CNTNAP5: variants seen among roughly 807,000 people sequenced by gnomAD.
CNTNAP5 encodes the protein contactin associated protein family member 5.
CNTNAP5 carries 72 observed loss-of-function variants against 150.2 expected under a neutral mutation model. That is an observed-to-expected ratio of 0.48 (90% CI 0.40 to 0.58). The LOEUF (loss-of-function observed/expected upper bound fraction) is 0.58, where lower values mean the gene tolerates loss of function less well. Among genes scored for constraint, CNTNAP5 ranks in the 20% least tolerant of loss-of-function variants. The pLI, the probability that CNTNAP5 is intolerant of heterozygous loss-of-function variation, is 0.00. For synonymous variants in CNTNAP5, 672 were observed against 619.8 expected (o/e 1.08, Z -1.25); for missense variants, 1,636 against 1,626.2 (o/e 1.01, Z -0.10).
chr2:124,582,794 C>T (rs921563375), intron 11 of CNTNAP5, among the ~76,000 whole-genome samples: 1 of 152,020 alleles, frequency 6.6e-6, no homozygotes, highest in African/African-American at 2.4e-5. Flanking sequence ...AATTTTAGAA[C>T]AACATAATGT....
At chr2:124,127,256 A>T (rs1558766455) in intron 1 of CNTNAP5, among the ~76,000 whole-genome samples, 1 of 152,174 alleles carries the variant, frequency 6.6e-6, no homozygotes, top group Admixed American at 6.5e-5. Flanking sequence ...GCATTTCTAT[A>T]CACCAATAAC....
chr2:124,891,018 C>T (rs1678183648), intron 21 of CNTNAP5, among the ~76,000 whole-genome samples: 1 of 152,130 alleles, frequency 6.6e-6, no homozygotes, highest in African/African-American at 2.4e-5. Flanking sequence ...GTGGTAGAAT[C>T]TATTGTGGTG....
At chr2:124,557,691 C>G (rs1455209812) in intron 10 of CNTNAP5, among the ~76,000 whole-genome samples, 1 of 151,906 alleles carries the variant, frequency 6.6e-6, no homozygotes, top group Non-Finnish European at 1.5e-5. Flanking sequence ...ACACTAAAGA[C>G]AAATAAAATG....
At chr2:124,112,706 ACCTCCCT>A (rs374867804) in intron 1 of CNTNAP5, among the ~76,000 whole-genome samples, 267 of 151,138 alleles carry the variant, frequency 1.8e-3, no homozygotes, top group Non-Finnish European at 2.8e-3. Context: ...CCCCATTATC[ACCTCCCT>A]CCTCCCAAAA....
rs1459946500 is a variant in CNTNAP5 at position 124,185,317 on chromosome 2, A to AG, written c.83-36388_83-36387insG. ...GGCTTGTGAACTCATATTGCCACCCACTGGACTGTAAGCTGCCAAAAGGCA... is the reference window on the plus strand; with the variant it reads ...GGCTTGTGAACTCATATTGCCACCCAGCTGGACTGTAAGCTGCCAAAAGGCA... On this transcript the variant is annotated intron_variant, in intron 1 of 23. Transcript: ENST00000682447. Among the ~76,000 whole-genome samples the AG allele has an allele frequency of 4.6e-5, 7 of 152,274 alleles. No homozygotes were observed. The East Asian group carries it at 1.4e-3, about 29-fold the overall frequency.
At chr2:124,627,249 C>T (rs954934632) in intron 12 of CNTNAP5, among the ~76,000 whole-genome samples, 20 of 152,152 alleles carry the variant, frequency 1.3e-4, no homozygotes, top group African/African-American at 4.8e-4. Context: ...TCTTCTCAAG[C>T]GGATCCCTGA....
intron 13 of CNTNAP5, among the ~76,000 whole-genome samples, chr2:124,686,026 A>G (rs1259194193): frequency 1.3e-5 from 2 of 152,136 alleles, no homozygotes; most frequent in Non-Finnish European, 2.9e-5. Flanking sequence ...AATGTTGGAC[A>G]TAGAATTTAA....
intron 3 of CNTNAP5, among the ~76,000 whole-genome samples, chr2:124,287,043 T>C (rs1228469330): frequency 1.3e-5 from 2 of 152,124 alleles, no homozygotes; most frequent in Non-Finnish European, 2.9e-5. Context: ...TTCATGTCCA[T>C]CACACATGCA....
rs1027945480 is a variant in CNTNAP5, at chr2:124,800,804, G to A, written c.3217+2484G>A. Among the ~76,000 whole-genome samples, 5 of 152,160 alleles carry A rather than the reference G, an allele frequency of 3.3e-5. No individual in the cohort carries two copies. The South Asian group carries it at 8.3e-4, about 25-fold the overall frequency. ...GTGCCTTGTTTGTATGATTGTTTAA[G>A]TTTAGGTCTCAGGGCATGTGTGAAA... On this transcript the variant is annotated intron_variant, in intron 19 of 23. Transcript: ENST00000682447.
chr2:124,219,401 A>G (rs1257083952), intron 1 of CNTNAP5, among the ~76,000 whole-genome samples: 1 of 152,148 alleles, frequency 6.6e-6, no homozygotes, highest in Non-Finnish European at 1.5e-5. Context: ...TACAATAGCT[A>G]TAATACTTTA....
intron 1 of CNTNAP5, among the ~76,000 whole-genome samples, chr2:124,040,902 A>G (rs1681353925): frequency 6.6e-6 from 1 of 152,142 alleles, no homozygotes; most frequent in African/African-American, 2.4e-5. Flanking sequence ...GTTGTATATG[A>G]GTGGAATTCA....
At chr2:124,747,087 G>A in intron 13 of CNTNAP5, 142 bp from the exon 14 acceptor site, 1 of 655,188 alleles carries the variant, frequency 1.5e-6, no homozygotes, top group Non-Finnish European at 2.4e-6. Context: ...GGGGGGATGT[G>A]AGGGAGGGAA....
At chr2:124,237,001 C>A (rs1344110836) in intron 2 of CNTNAP5, among the ~76,000 whole-genome samples, 1 of 151,982 alleles carries the variant, frequency 6.6e-6, no homozygotes, top group Non-Finnish European at 1.5e-5. Flanking sequence ...TAGTGGCGGG[C>A]ATCTGTAATC....
At chr2:124,414,217 T>C (rs1259080926) in intron 3 of CNTNAP5, among the ~76,000 whole-genome samples, 1 of 152,058 alleles carries the variant, frequency 6.6e-6, no homozygotes, top group Non-Finnish European at 1.5e-5. Context: ...TTGGTGGCTT[T>C]AATACATCTA....
intron 19 of CNTNAP5, among the ~76,000 whole-genome samples, chr2:124,800,997 A>G (rs1373882157): frequency 6.6e-6 from 1 of 152,080 alleles, no homozygotes; most frequent in African/African-American, 2.4e-5. Flanking sequence ...TGTCCAGGAC[A>G]TTGTTGTTAA....
chr2:124,183,363 AT>A (rs1685254042), intron 1 of CNTNAP5, among the ~76,000 whole-genome samples: 1 of 152,192 alleles, frequency 6.6e-6, no homozygotes, highest in Non-Finnish European at 1.5e-5. Flanking sequence ...AAAACCTTTA[AT>A]GGTTTTCCAT....
chr2:124,258,240 C>T lies in CNTNAP5; in HGVS notation c.381+15847C>T, dbSNP rs1345473238. On this transcript the variant is annotated intron_variant, in intron 3 of 23. Transcript: ENST00000682447. ...TCAGGGGAAAGAAGAGGGTGCAGTACCTCATTAATTTGTTCCCAGCCAACA... is the reference window on the plus strand; with the variant it reads ...TCAGGGGAAAGAAGAGGGTGCAGTATCTCATTAATTTGTTCCCAGCCAACA... Among the ~76,000 whole-genome samples, 6 of 152,040 alleles carry T rather than the reference C, an allele frequency of 3.9e-5. No homozygotes were observed. The East Asian group carries it at 1.2e-3, about 29-fold the overall frequency.
intron 1 of CNTNAP5, among the ~76,000 whole-genome samples, chr2:124,168,292 G>A (rs1304152601): frequency 6.6e-6 from 1 of 152,190 alleles, no homozygotes; most frequent in Non-Finnish European, 1.5e-5. Context: ...AGCAAGCAAG[G>A]TAAAGAGTCT....
At chr2:124,185,303 T>A (rs1685308781) in intron 1 of CNTNAP5, among the ~76,000 whole-genome samples, 1 of 152,168 alleles carries the variant, frequency 6.6e-6, no homozygotes, top group African/African-American at 2.4e-5. Flanking sequence ...GCTTGTGAAC[T>A]CATATTGCCA....
Sources: allele counts gnomAD v4.1 joint callset (sites outside exome capture counted in the v4.1 genomes callset), GRCh38; gene constraint gnomAD v4.1.1; transcripts MANE v1.5; gene names NCBI Gene and HGNC (gene_info 2026-07-23, HGNC 2026-07-21).